The following IGSF21 variants were observed in gnomAD, a reference collection of about 807,000 sequenced individuals.
The protein encoded by IGSF21 is immunoglobulin superfamily member 21.
In IGSF21, 28 loss-of-function variants were observed where a neutral mutation model predicts 46.8. The observed-to-expected ratio is 0.60, with a 90% CI of 0.44 to 0.82. IGSF21 has a LOEUF of 0.82. IGSF21 is among the 40% of genes least tolerant of loss of function. The pLI is 0.00. For synonymous variants in IGSF21, 284 were observed against 273.6 expected, an observed-to-expected ratio of 1.04 and a Z score of -0.38; for missense variants, 624 against 665.5, an observed-to-expected ratio of 0.94 and a Z score of 0.69.
intron 1 of IGSF21, among the ~76,000 whole-genome samples, chr1:18,156,652 TG>T (rs2086572556): frequency 6.6e-6 from 1 of 152,178 alleles, no homozygotes; most frequent in African/African-American, 2.4e-5. Flanking sequence ...TTAGCTCAAA[TG>T]TTGAGAAACC....
chr1:18,148,870 T>C (rs917937640), intron 1 of IGSF21, among the ~76,000 whole-genome samples: 2 of 152,136 alleles, frequency 1.3e-5, no homozygotes, highest in Non-Finnish European at 2.9e-5. Flanking sequence ...ATGAGTGAGA[T>C]TGTTTGTAGT....
chr1:18,359,436 A>AAGGG (rs2086068633), intron 4 of IGSF21, among the ~76,000 whole-genome samples: 1 of 144,544 alleles, frequency 6.9e-6, no homozygotes, highest in East Asian at 2.1e-4. Context: ...GGAAGGAAGG[A>AAGGG]AGGAAAAGAG....
chr1:18,249,834 C>T (rs2084820200), intron 2 of IGSF21, among the ~76,000 whole-genome samples: 1 of 152,210 alleles, frequency 6.6e-6, no homozygotes, highest in Non-Finnish European at 1.5e-5. Context: ...TCAGACTGCA[C>T]CCCAGGCCCT....
chr1:18,210,967 A>G (rs1451047182), intron 1 of IGSF21, among the ~76,000 whole-genome samples: 1 of 152,052 alleles, frequency 6.6e-6, no homozygotes, highest in African/African-American at 2.4e-5. Flanking sequence ...TCCTATGTCC[A>G]AGTGGTCCTC....
intron 1 of IGSF21, among the ~76,000 whole-genome samples, chr1:18,131,432 G>GT (rs2086320902): frequency 1.3e-5 from 2 of 152,198 alleles, no homozygotes; most frequent in Non-Finnish European, 2.9e-5. Context: ...CAAGCTGTGT[G>GT]ATGCTGGGCA....
intron 2 of IGSF21, among the ~76,000 whole-genome samples, chr1:18,261,546 C>A (rs141048040): frequency 0.013 from 1,924 of 152,300 alleles, 30 homozygotes; most frequent in South Asian, 0.064. Flanking sequence ...ATAATTCACA[C>A]CTTAATTTGC....
At chr1:18,176,590 C>T (rs767608837) in intron 1 of IGSF21, among the ~76,000 whole-genome samples, 1 of 152,122 alleles carries the variant, frequency 6.6e-6, no homozygotes, top group Non-Finnish European at 1.5e-5. Flanking sequence ...AAGGAGTAAG[C>T]CTTTTCACAC....
intron 3 of IGSF21, among the ~76,000 whole-genome samples, chr1:18,295,817 C>G (rs780607983): frequency 6.6e-6 from 1 of 152,198 alleles, no homozygotes; most frequent in Non-Finnish European, 1.5e-5. Flanking sequence ...CCGGGAGCAG[C>G]CTTGACCAAT....
chr1:18,314,509 G>T (rs1000706738), intron 3 of IGSF21, among the ~76,000 whole-genome samples: 6 of 152,274 alleles, frequency 3.9e-5, no homozygotes, highest in Non-Finnish European at 8.8e-5. Flanking sequence ...CGTGGGCCGG[G>T]CCCTCTGCTA....
intron 1 of IGSF21, among the ~76,000 whole-genome samples, chr1:18,160,308 C>T (rs11803184): frequency 0.023 from 3,492 of 152,280 alleles, 152 homozygotes; most frequent in African/African-American, 0.079. Context: ...ATCCATAAAA[C>T]GGGCTAAACC....
At chr1:18,273,037 A>ATTTTTTTTT (rs2085057685) in intron 2 of IGSF21, among the ~76,000 whole-genome samples, 1 of 90,210 alleles carries the variant, frequency 1.1e-5, no homozygotes, top group Non-Finnish European at 2.3e-5. Flanking sequence ...AGCCAGACGG[A>ATTTTTTTTT]TCTTTTTTTT....
At chr1:18,181,332 G>T (rs1474880707) in intron 1 of IGSF21, among the ~76,000 whole-genome samples, 1 of 152,196 alleles carries the variant, frequency 6.6e-6, no homozygotes, top group East Asian at 1.9e-4. Context: ...TTATGGCTGC[G>T]ACATTGATGT....
At chr1:18,134,489 GC>G (rs1253375805) in intron 1 of IGSF21, among the ~76,000 whole-genome samples, 1 of 152,130 alleles carries the variant, frequency 6.6e-6, no homozygotes, top group East Asian at 1.9e-4. Context: ...TTAATTACTC[GC>G]AGGCACTATC....
intron 1 of IGSF21, among the ~76,000 whole-genome samples, chr1:18,203,704 T>C (rs1436417858): frequency 1.3e-5 from 2 of 152,164 alleles, no homozygotes; most frequent in Non-Finnish European, 2.9e-5. Flanking sequence ...CAGCAGAGTC[T>C]GCTATGAAGG....
intron 4 of IGSF21, among the ~76,000 whole-genome samples, chr1:18,350,256 C>T (rs576216416): frequency 6.6e-6 from 1 of 152,158 alleles, no homozygotes; most frequent in Admixed American, 6.5e-5. Context: ...AGGGGACTCT[C>T]CCTGCAGTAG....
At position 18,108,080 on chromosome 1, in the gene IGSF21, AC is replaced by A. The variant is rs1268671763; in HGVS notation, c.-47del. ...GCCCATGGCGAGGGGACCCGCCGCC[AC>A]CGCCTCCACCCCCGCCGCCCCGCCA... On this transcript the variant is annotated 5_prime_UTR_variant, in exon 1 of 10. Coordinates refer to ENST00000251296, the MANE Select transcript of IGSF21 (RefSeq NM_032880.5). 2.2e-6 allele frequency: 2 copies of A among 922,438 alleles called. No homozygotes were observed. Among genetic ancestry groups the A allele is most frequent in the African/African-American group, 3.5e-5 (2 of 56,374 alleles). 57.1% of individuals were successfully genotyped at this position (922,438 alleles called of 1,614,324 possible). A position where few individuals can be genotyped will look rare whatever the true frequency, so the allele number is the denominator to read the frequency against.
intron 2 of IGSF21, among the ~76,000 whole-genome samples, chr1:18,256,013 T>G (rs1432533023): frequency 6.6e-6 from 1 of 152,172 alleles, no homozygotes; most frequent in African/African-American, 2.4e-5. Context: ...TGCAGCTCTG[T>G]TCCATGTCCT....
chr1:18,152,313 T>C (rs2086528130), intron 1 of IGSF21, among the ~76,000 whole-genome samples: 1 of 152,220 alleles, frequency 6.6e-6, no homozygotes, highest in Non-Finnish European at 1.5e-5. Context: ...AGGTTTTAAC[T>C]GCGTTCCACT....
intron 3 of IGSF21, among the ~76,000 whole-genome samples, chr1:18,328,471 G>C (rs599307): frequency 6.6e-6 from 1 of 152,114 alleles, no homozygotes; most frequent in Non-Finnish European, 1.5e-5. Flanking sequence ...TAAAAAAATC[G>C]TAAGTTGAAC....
Sources: allele counts gnomAD v4.1 joint callset (sites outside exome capture counted in the v4.1 genomes callset), GRCh38; gene constraint gnomAD v4.1.1; transcripts MANE v1.5; gene names NCBI Gene and HGNC (gene_info 2026-07-23, HGNC 2026-07-21).